SRPRA: variants seen among roughly 807,000 people sequenced by gnomAD.
The protein encoded by SRPRA is signal recognition particle receptor subunit alpha.
Under a neutral mutation model 61.1 loss-of-function variants are expected in SRPRA, and 30 were observed. The ratio of observed to expected loss-of-function variants is 0.49; its 90% CI spans 0.37 to 0.67. SRPRA has a LOEUF of 0.67. Ranked by LOEUF, SRPRA falls within the 30% of genes least tolerant of loss-of-function variation. The pLI is 0.00. For missense variants in SRPRA, 759 were observed against 828.4 expected (o/e 0.92, Z 1.03); for synonymous variants, 324 against 299.7 (o/e 1.08, Z -0.84).
chr11:126,264,406 G>A lies in SRPRA; in HGVS notation c.1659C>T (p.Ala553=), dbSNP rs956134857. ...TPDLVLFVGE[A]LVGNEAVDQL... is the part of the protein sequence containing the mutation. ...GGTCCACGGCTTCATTGCCTACTAAGGCTTCTCCTACAAACAGCACCAAAT... is the reference window on the plus strand; with the variant it reads ...GGTCCACGGCTTCATTGCCTACTAAAGCTTCTCCTACAAACAGCACCAAAT... Residue 553 remains alanine, a synonymous_variant, in exon 12 of 14, where the codon GCC becomes GCT. Coordinates refer to ENST00000332118, the MANE Select transcript of SRPRA (RefSeq NM_003139.4). The surrounding 1 kb of genome is among the most constrained non-coding windows in gnomAD (Gnocchi z 5.0). 1.2e-5 allele frequency: 19 copies of A among 1,614,040 alleles called. No homozygotes were observed. The African/African-American group carries it at 1.9e-4, about 16-fold the overall frequency.
At chr11:126,246,486 T>A in the SRPRA span, among the ~76,000 whole-genome samples, 1 of 152,236 alleles carries the variant, frequency 6.6e-6, no homozygotes, top group Non-Finnish European at 1.5e-5. Context: ...GGGATATTAC[T>A]TCCTTGTGTC....
chr11:126,248,558 G>A, the SRPRA span, among the ~76,000 whole-genome samples: 1 of 151,690 alleles, frequency 6.6e-6, no homozygotes, highest in African/African-American at 2.4e-5. Flanking sequence ...TTAGTAGAGA[G>A]ATGGGGTTTC....
chr11:126,265,913 C>T lies in SRPRA; in HGVS notation c.1051+50G>A, dbSNP rs376459417. The stretch of plus-strand genomic sequence containing the variant: ...GAGAAACGCTAGGTGATTCTGCTCT[C>T]AACTACCCCTATCCCGCGAGTATGA... On this transcript the variant is annotated intron_variant, in intron 8 of 13. Coordinates refer to ENST00000332118, the MANE Select transcript of SRPRA (RefSeq NM_003139.4). The surrounding 1 kb of genome is among the most constrained non-coding windows in gnomAD (Gnocchi z 6.3). 2 of 1,611,222 alleles carry T rather than the reference C, an allele frequency of 1.2e-6. No homozygotes were observed. Among genetic ancestry groups the T allele is most frequent in the Non-Finnish European group, 1.7e-6 (2 of 1,177,504 alleles).
At chr11:126,247,573 C>T in the SRPRA span, among the ~76,000 whole-genome samples, 8 of 151,882 alleles carry the variant, frequency 5.3e-5, no homozygotes, top group African/African-American at 1.2e-4. Context: ...AAATGTAGTA[C>T]GTATTTGCCA....
At chr11:126,251,955 T>C in the SRPRA span, among the ~76,000 whole-genome samples, 1 of 151,938 alleles carries the variant, frequency 6.6e-6, no homozygotes, top group African/African-American at 2.4e-5. Context: ...GTACTGGGAT[T>C]ACAGGCATGT....
rs1565347467 is a variant in SRPRA, at chr11:126,267,316, TACTGCTCTCC to T, written c.375_384del (p.Glu126ArgfsTer8). 6.2e-7 allele frequency: 1 copy of T among 1,614,176 alleles called. No individual in the cohort carries two copies. Among genetic ancestry groups the T allele is most frequent in the Non-Finnish European group, 8.5e-7 (1 of 1,180,028 alleles). The stretch of plus-strand genomic sequence containing the variant: ...TTCATGGTAGTGGGAGCACGGATCT[TACTGCTCTCC>T]TCTGCTTCACTAAACAAAAAGGAGA... On this transcript the variant is annotated frameshift_variant, in exon 4 of 14. Transcript: ENST00000332118. LOFTEE classifies it high-confidence loss of function. This position sits in a 1 kb window ranked among gnomAD's most constrained non-coding sequence, Gnocchi z 4.2.
chr11:126,268,167 A>G (rs1189851144), intron 1 of SRPRA, 81 bp from the exon 2 acceptor site: 2 of 1,253,064 alleles, frequency 1.6e-6, no homozygotes, highest in Non-Finnish European at 1.2e-6. Flanking sequence ...AACCTTTGGG[A>G]AAGAGCCAAA....
At chr11:126,238,179 T>C in the SRPRA span, among the ~76,000 whole-genome samples, 1 of 151,968 alleles carries the variant, frequency 6.6e-6, no homozygotes, top group Non-Finnish European at 1.5e-5. Flanking sequence ...CTGGCCAACC[T>C]GGTGAAACCC....
chr11:126,241,304 T>C, the SRPRA span: 6 of 348,184 alleles, frequency 1.7e-5, no homozygotes, highest in Admixed American at 4.5e-5. Context: ...AAATTACCAC[T>C]GTGTTTTGAA....
Position 126,267,500 on chromosome 11 carries a change from T to G in SRPRA, c.365+49A>C. On this transcript the variant is annotated intron_variant, in intron 3 of 13. Transcript: ENST00000332118. This position sits in a 1 kb window ranked among gnomAD's most constrained non-coding sequence, Gnocchi z 4.2. ...CACCTTTGAACCACCTTCAGAGAGG[T>G]CATCAAATCATGGAAATAAATTGAT... The G allele has an allele frequency of 6.2e-7, 1 of 1,609,746 alleles. No homozygotes were observed. The highest frequency in any genetic ancestry group is 2.2e-5 in the East Asian group (1 of 44,846).
rs1231862377 is a variant in SRPRA, at chr11:126,267,046, G to A, written c.527-124C>T. 3.3e-6 allele frequency: 5 copies of A among 1,518,890 alleles called. No individual in the cohort carries two copies. The highest frequency in any genetic ancestry group is 2.0e-5 in the Admixed American group (1 of 50,610). 94.1% of individuals were successfully genotyped at this position (1,518,890 alleles called of 1,614,324 possible). A position where few individuals can be genotyped will look rare whatever the true frequency, so the allele number is the denominator to read the frequency against. ...AAACATCTTGGAGTTCATAAGGCCT[G>A]GGGATTATAGGATGGTGACCATTTG... On this transcript the variant is annotated intron_variant, in intron 4 of 13. Coordinates refer to ENST00000332118, the MANE Select transcript of SRPRA (RefSeq NM_003139.4). The surrounding 1 kb of genome is among the most constrained non-coding windows in gnomAD (Gnocchi z 4.2).
At chr11:126,241,147 G>A in the SRPRA span, 1 of 1,224,438 alleles carries the variant, frequency 8.2e-7, no homozygotes, top group African/African-American at 1.5e-5. Context: ...AATGTAACAG[G>A]GATATTCATT....
downstream of SRPRA, chr11:126,260,547 A>T (rs1258434411): frequency 3.3e-5 from 5 of 151,240 alleles, no homozygotes; most frequent in South Asian, 2.1e-4. Context: ...AACGTCTGAT[A>T]TTTTTTTTGC....
the SRPRA span, chr11:126,256,428 C>G: frequency 1.5e-6 from 1 of 676,706 alleles, no homozygotes; most frequent in South Asian, 1.9e-5. The surrounding 1 kb of genome is among the most constrained non-coding windows in gnomAD (Gnocchi z 6.6). Flanking sequence ...AGATCACACT[C>G]CTTGATGGGA....
chr11:126,255,949 C>T, the SRPRA span, among the ~76,000 whole-genome samples: 1 of 152,024 alleles, frequency 6.6e-6, no homozygotes, highest in Non-Finnish European at 1.5e-5. This position sits in a 1 kb window ranked among gnomAD's most constrained non-coding sequence, Gnocchi z 4.6. Context: ...GAGCAAGACT[C>T]TGTCTCAAAA....
chr11:126,238,750 T>G, the SRPRA span, among the ~76,000 whole-genome samples: 11 of 152,190 alleles, frequency 7.2e-5, no homozygotes, highest in South Asian at 8.3e-4. Context: ...TACCTTTAGA[T>G]GTACATGAAC....
chr11:126,248,433 C>T, the SRPRA span, among the ~76,000 whole-genome samples: 28 of 113,488 alleles, frequency 2.5e-4, no homozygotes, highest in African/African-American at 7.4e-4. Context: ...TGCAATGGTG[C>T]GATCTTGGCT....
chr11:126,266,408 C>T, intron 6 of SRPRA, 68 bp downstream of exon 6: 1 of 1,594,076 alleles, frequency 6.3e-7, no homozygotes, highest in Non-Finnish European at 8.6e-7. Flanking sequence ...ATCCCAGTAT[C>T]ACGTTCCCAC....
downstream of SRPRA, chr11:126,262,092 T>C: frequency 6.2e-7 from 1 of 1,613,896 alleles, no homozygotes. Context: ...TGAAACTTCA[T>C]TTTGTTCTCT....
Sources: allele counts gnomAD v4.1 joint callset (sites outside exome capture counted in the v4.1 genomes callset), GRCh38; gene constraint gnomAD v4.1.1; non-coding constraint Gnocchi (gnomAD v3.1); transcripts MANE v1.5; gene names NCBI Gene and HGNC (gene_info 2026-07-23, HGNC 2026-07-21).